Variants in DENR observed in about 807,000 individuals in gnomAD.
DENR encodes the protein density-regulated protein.
In DENR, 6 loss-of-function variants were observed where a neutral mutation model predicts 30.6. The ratio of observed to expected loss-of-function variants is 0.20; its 90% CI spans 0.11 to 0.39. The LOEUF is 0.39. Ranked by LOEUF, DENR falls within the 10% of genes least tolerant of loss-of-function variation. The probability of loss-of-function intolerance (pLI) is 1.00; values close to 1 mark genes in which losing one functional copy is unlikely to be tolerated. For synonymous variants in DENR, 78 were observed against 72.1 expected, an observed-to-expected ratio of 1.08 and a Z score of -0.41; for missense variants, 141 against 230.9, an observed-to-expected ratio of 0.61 and a Z score of 2.52.
intron 2 of DENR, among the ~76,000 whole-genome samples, chr12:122,761,873 C>T (rs1024104991): frequency 6.6e-6 from 1 of 152,162 alleles, no homozygotes; most frequent in Non-Finnish European, 1.5e-5. Context: ...TTGTTCGTGT[C>T]TTAGCTTAAT....
chr12:122,754,611 AC>A (rs1037588448), intron 2 of DENR, among the ~76,000 whole-genome samples: 1 of 152,188 alleles, frequency 6.6e-6, no homozygotes, highest in African/African-American at 2.4e-5. Context: ...CGTGGACCTT[AC>A]ATTCTGTGAC....
intron 2 of DENR, among the ~76,000 whole-genome samples, chr12:122,761,285 G>A (rs940979646): frequency 5.9e-5 from 9 of 152,110 alleles, no homozygotes; most frequent in Admixed American, 2.0e-4. Flanking sequence ...GGTGGCACAC[G>A]CCTGTAATCC....
At chr12:122,766,943 A>G (rs1042676642) in intron 5 of DENR, among the ~76,000 whole-genome samples, 1 of 152,148 alleles carries the variant, frequency 6.6e-6, no homozygotes, top group Admixed American at 6.5e-5. Context: ...TCTGCTACAT[A>G]TTCATAAGCA....
At chr12:122,766,533 C>G (rs1878854982) in intron 5 of DENR, among the ~76,000 whole-genome samples, 2 of 152,198 alleles carry the variant, frequency 1.3e-5, no homozygotes, top group South Asian at 4.1e-4. Flanking sequence ...GCCTGTGTCT[C>G]TAGCCTAGAA....
intron 2 of DENR, 118 bp downstream of exon 2, chr12:122,753,925 G>A (rs1174162294): frequency 4.8e-6 from 4 of 839,984 alleles, no homozygotes; most frequent in Non-Finnish European, 5.9e-6. Context: ...GTTTGTACTG[G>A]GGGAGAGGAG....
At chr12:122,757,789 A>G (rs1323448067) in intron 2 of DENR, among the ~76,000 whole-genome samples, 1 of 152,230 alleles carries the variant, frequency 6.6e-6, no homozygotes, top group Non-Finnish European at 1.5e-5. Context: ...GTGATTGGTT[A>G]TATCTTTTTG....
intron 2 of DENR, 54 bp downstream of exon 2, chr12:122,753,861 T>C: frequency 7.4e-7 from 1 of 1,353,338 alleles, no homozygotes; most frequent in Non-Finnish European, 1.1e-6. Context: ...TTATGCATTG[T>C]AATAACAGTT....
At chr12:122,756,589 CATTCAGGCAGGCACAGAAGGG>C in intron 2 of DENR, among the ~76,000 whole-genome samples, 1 of 152,292 alleles carries the variant, frequency 6.6e-6, no homozygotes, top group Admixed American at 6.5e-5. Flanking sequence ...GGAAAGGTTG[CATTCAGGCAGGCACAGAAGGG>C]CTGAAGGTTG....
At chr12:122,763,501 T>A (rs544248267) in intron 4 of DENR, among the ~76,000 whole-genome samples, 4 of 151,554 alleles carry the variant, frequency 2.6e-5, no homozygotes, top group African/African-American at 9.7e-5. Flanking sequence ...TGGTCGGGAG[T>A]TCAAGACCAG....
At chr12:122,755,988 A>G (rs1261615450) in intron 2 of DENR, among the ~76,000 whole-genome samples, 1 of 152,250 alleles carries the variant, frequency 6.6e-6, no homozygotes, top group Non-Finnish European at 1.5e-5. Context: ...CATTGTTAAT[A>G]GAGTCCACAT....
At chr12:122,762,236 A>T (rs569330629) in intron 3 of DENR, 30 bp downstream of exon 3, 1 of 1,341,158 alleles carries the variant, frequency 7.5e-7, no homozygotes, top group Non-Finnish European at 1.0e-6. Flanking sequence ...TTTTTACCTT[A>T]TGTATTTGAA....
intron 2 of DENR, among the ~76,000 whole-genome samples, chr12:122,760,107 G>C (rs949414889): frequency 2.6e-5 from 4 of 152,192 alleles, no homozygotes; most frequent in African/African-American, 9.7e-5. Context: ...GCTGTCAGGT[G>C]CCACTAAGTT....
At position 122,764,599 on chromosome 12, in the gene DENR, C is replaced by CA. The variant is rs939624174; in HGVS notation, c.212-697dup. ...TGGATAACAGAGGGAGACTCCGTCT[C>CA]AAAAAAAATGGAGTTGCCATTGCCA... On this transcript the variant is annotated intron_variant, in intron 4 of 7. Coordinates refer to ENST00000280557, the MANE Select transcript of DENR (RefSeq NM_003677.5). Among the ~76,000 whole-genome samples, 18 of 151,872 alleles carry CA rather than the reference C, an allele frequency of 1.2e-4. No homozygotes were observed. In the South Asian group the frequency reaches 1.5e-3, roughly 12 times the overall value.
At chr12:122,756,145 T>C (rs1054616337) in intron 2 of DENR, among the ~76,000 whole-genome samples, 20 of 152,150 alleles carry the variant, frequency 1.3e-4, no homozygotes, top group African/African-American at 4.3e-4. Flanking sequence ...TGATGAATGC[T>C]GAAAGAAAGA....
chr12:122,764,522 T>C (rs1436705746), intron 4 of DENR, among the ~76,000 whole-genome samples: 5 of 151,830 alleles, frequency 3.3e-5, no homozygotes, highest in Non-Finnish European at 7.4e-5. Context: ...ATGGCGTGAA[T>C]CCGGGAGGCA....
intron 4 of DENR, 43 bp downstream of exon 4, chr12:122,762,972 A>G: frequency 9.3e-7 from 1 of 1,069,528 alleles, no homozygotes; most frequent in Non-Finnish European, 1.4e-6. Flanking sequence ...TGTACCTGAG[A>G]CAAATGCATG....
At chr12:122,760,461 G>T (rs1878667001) in intron 2 of DENR, among the ~76,000 whole-genome samples, 1 of 152,158 alleles carries the variant, frequency 6.6e-6, no homozygotes, top group Admixed American at 6.5e-5. Context: ...GCCGGGCGCG[G>T]TGGCTCACTC....
In DENR at chr12:122,765,395, C is replaced by G. The variant is rs1442912689; in HGVS notation, c.295+8C>G. The G allele has an allele frequency of 4.5e-6, 7 of 1,545,792 alleles. No individual in the cohort carries two copies. In the African/African-American group the frequency reaches 9.6e-5, roughly 21 times the overall value. ...AGAAAAAACAGAAGAGAGGTAAGAC[C>G]TAAATTCACATCTTGATTTGTACAG... On this transcript the variant is annotated splice_region_variant and intron_variant, in intron 5 of 7. Transcript: ENST00000280557.
chr12:122,762,171 C>G lies in DENR; in HGVS notation c.107-16C>G. The G allele has an allele frequency of 7.1e-7, 1 of 1,409,088 alleles. No homozygotes were observed. 87.3% of individuals were successfully genotyped at this position (1,409,088 alleles called of 1,614,324 possible). On this transcript the variant is annotated splice_polypyrimidine_tract_variant and intron_variant, in intron 2 of 7. Transcript: ENST00000280557. ...AGGTTTAACATTTCAAATCTTTTTTCTTTTTACTTCCTCAGTCTGTTCATT... is the reference window on the plus strand; with the variant it reads ...AGGTTTAACATTTCAAATCTTTTTTGTTTTTACTTCCTCAGTCTGTTCATT...
Sources: allele counts gnomAD v4.1 joint callset (sites outside exome capture counted in the v4.1 genomes callset), GRCh38; gene constraint gnomAD v4.1.1; transcripts MANE v1.5; gene names NCBI Gene and HGNC (gene_info 2026-07-23, HGNC 2026-07-21).